The following SEMA6A variants were observed in gnomAD, a reference collection of about 807,000 sequenced individuals.
SEMA6A encodes the protein semaphorin-6A.
SEMA6A carries 25 observed loss-of-function variants against 96.8 expected under a neutral mutation model. That is an observed-to-expected ratio of 0.26 (90% CI 0.19 to 0.36). The LOEUF (loss-of-function observed/expected upper bound fraction) is 0.36. SEMA6A is among the 10% of genes least tolerant of loss of function. SEMA6A has a pLI of 1.00. For missense variants in SEMA6A, 1,363 were observed against 1,323.1 expected (o/e 1.03, Z -0.47); for synonymous variants, 612 against 518.0 (o/e 1.18, Z -2.46).
At chr5:116,552,996 C>T (rs1205037746) in intron 1 of SEMA6A, among the ~76,000 whole-genome samples, 1 of 152,276 alleles carries the variant, frequency 6.6e-6, no homozygotes, top group East Asian at 1.9e-4. Context: ...AGGGAGCATT[C>T]GCTCATTGTG....
At chr5:116,516,304 G>T (rs980945220) in intron 1 of SEMA6A, among the ~76,000 whole-genome samples, 3 of 152,070 alleles carry the variant, frequency 2.0e-5, no homozygotes, top group Admixed American at 2.0e-4. Flanking sequence ...ATCTGTGTAT[G>T]TCCAGACACA....
intron 1 of SEMA6A, among the ~76,000 whole-genome samples, chr5:116,568,468 C>T (rs545654587): frequency 9.9e-5 from 15 of 152,184 alleles, no homozygotes; most frequent in Non-Finnish European, 1.9e-4. Context: ...GCTGTATTCT[C>T]CTGATAGAAA....
chr5:116,496,990 T>C (rs1757634491), intron 4 of SEMA6A, among the ~76,000 whole-genome samples: 1 of 152,252 alleles, frequency 6.6e-6, no homozygotes, highest in Non-Finnish European at 1.5e-5. Flanking sequence ...CATTGAAACC[T>C]TTGTAGAATA....
intron 1 of SEMA6A, among the ~76,000 whole-genome samples, chr5:116,516,879 C>T (rs975101463): frequency 2.6e-5 from 4 of 152,106 alleles, no homozygotes; most frequent in Admixed American, 1.3e-4. Flanking sequence ...TCAGGGTCAC[C>T]GCACAAACAG....
rs1226488249 is a variant in SEMA6A at position 116,458,130 on chromosome 5, G to C, written c.1894+9453C>G. Among the ~76,000 whole-genome samples the C allele has an allele frequency of 3.9e-5, 6 of 152,136 alleles. No homozygotes were observed. In the East Asian group the frequency reaches 9.6e-4, roughly 24 times the overall value. ...AAAACTTGGTGAAACTAGGCTATCA[G>C]AAAGAAAGGTCTGAGACAAAGCGGA... is the stretch of plus-strand genomic sequence containing the variant. On this transcript the variant is annotated intron_variant, in intron 18 of 18. Transcript: ENST00000343348.
intron 3 of SEMA6A, among the ~76,000 whole-genome samples, chr5:116,501,284 T>C (rs1757866728): frequency 6.6e-6 from 1 of 152,160 alleles, no homozygotes; most frequent in African/African-American, 2.4e-5. Context: ...AGCAGAATTA[T>C]AACAAAAGCC....
At chr5:116,481,191 T>C (rs1301127724) in intron 11 of SEMA6A, among the ~76,000 whole-genome samples, 3 of 152,176 alleles carry the variant, frequency 2.0e-5, no homozygotes, top group Non-Finnish European at 4.4e-5. Context: ...TAGTAGAAAA[T>C]CACTTAAAGT....
chr5:116,549,182 T>G (rs1364798898), intron 1 of SEMA6A, among the ~76,000 whole-genome samples: 1 of 152,154 alleles, frequency 6.6e-6, no homozygotes, highest in East Asian at 1.9e-4. Flanking sequence ...ACTTTACAAG[T>G]CTTTATAAGC....
intron 1 of SEMA6A, among the ~76,000 whole-genome samples, chr5:116,551,151 C>A (rs1360623781): frequency 6.6e-6 from 1 of 151,842 alleles, no homozygotes; most frequent in Non-Finnish European, 1.5e-5. Flanking sequence ...AGGTCATGAC[C>A]AAATAGAACA....
Position 116,473,102 on chromosome 5 carries a change from CA to C in SEMA6A, c.1709-10del. The C allele has an allele frequency of 1.3e-6, 2 of 1,591,980 alleles. No individual in the cohort carries two copies. Among genetic ancestry groups the C allele is most frequent in the Non-Finnish European group, 1.7e-6 (2 of 1,168,140 alleles). ...CAGTGCCACAAAGGAATCTGAAAGA[CA>C]AAAGGGAGGAGAAGGTTACTTAATG... On this transcript the variant is annotated splice_polypyrimidine_tract_variant and intron_variant, in intron 16 of 18. Transcript: ENST00000343348.
chr5:116,536,948 G>T (rs1759744014), intron 1 of SEMA6A, among the ~76,000 whole-genome samples: 1 of 144,690 alleles, frequency 6.9e-6, no homozygotes, highest in African/African-American at 2.5e-5. Flanking sequence ...CTGACTCCAA[G>T]TTCAAGACTC....
intron 3 of SEMA6A, among the ~76,000 whole-genome samples, chr5:116,498,156 T>C (rs998011864): frequency 6.6e-6 from 1 of 152,000 alleles, no homozygotes; most frequent in African/African-American, 2.4e-5. Context: ...TGTCTGGAAT[T>C]TGTAAGAAAG....
intron 1 of SEMA6A, among the ~76,000 whole-genome samples, chr5:116,528,826 G>T (rs1439323651): frequency 6.6e-6 from 1 of 152,154 alleles, no homozygotes; most frequent in African/African-American, 2.4e-5. Context: ...TATCCAGCCT[G>T]ATAATCATCC....
intron 18 of SEMA6A, among the ~76,000 whole-genome samples, chr5:116,462,357 CTG>C (rs1381699999): frequency 2.6e-5 from 4 of 152,144 alleles, no homozygotes; most frequent in Admixed American, 2.6e-4. Context: ...CCGGGCAACA[CTG>C]TGTAGCACAA....
At chr5:116,544,470 T>A (rs550650749) in intron 1 of SEMA6A, among the ~76,000 whole-genome samples, 1 of 148,150 alleles carries the variant, frequency 6.7e-6, no homozygotes, top group East Asian at 2.0e-4. Flanking sequence ...TTTTGAATAT[T>A]TTTTTTTTTT....
chr5:116,509,875 A>G (rs1758329304), intron 1 of SEMA6A, among the ~76,000 whole-genome samples: 1 of 152,156 alleles, frequency 6.6e-6, no homozygotes, highest in Non-Finnish European at 1.5e-5. Flanking sequence ...GCAGGCAGAG[A>G]AAGTTCTATG....
intron 1 of SEMA6A, among the ~76,000 whole-genome samples, chr5:116,551,382 G>T (rs1301541340): frequency 6.7e-6 from 1 of 149,262 alleles, no homozygotes; most frequent in Non-Finnish European, 1.5e-5. Context: ...TCTATCAGCA[G>T]AAGATTTACC....
intron 16 of SEMA6A, among the ~76,000 whole-genome samples, chr5:116,473,355 G>A (rs12186896): frequency 0.21 from 32,198 of 152,248 alleles, 3,725 homozygotes; most frequent in East Asian, 0.48. Flanking sequence ...GTTGGCAGAC[G>A]AAATGGTAAC....
chr5:116,475,994 T>G (rs1756428902), intron 15 of SEMA6A, among the ~76,000 whole-genome samples: 1 of 152,222 alleles, frequency 6.6e-6, no homozygotes, highest in Non-Finnish European at 1.5e-5. Context: ...CTCTATTCTC[T>G]TTTTCACTCC....
Sources: gnomAD v4.1 joint callset for allele counts (sites outside exome capture counted in the v4.1 genomes callset) on GRCh38, gnomAD v4.1.1 for gene constraint, MANE v1.5 for transcripts, NCBI Gene and HGNC (gene_info 2026-07-23, HGNC 2026-07-21) for gene names.